PPARGC1A: variants seen among roughly 807,000 people sequenced by gnomAD.
The protein encoded by PPARGC1A is peroxisome proliferator-activated receptor gamma coactivator 1-alpha.
PPARGC1A carries 25 observed loss-of-function variants against 88.7 expected under a neutral mutation model. That is an observed-to-expected ratio of 0.28 (90% CI 0.21 to 0.39). The LOEUF (loss-of-function observed/expected upper bound fraction) is 0.39, where lower values mean the gene tolerates loss of function less well. Among genes scored for constraint, PPARGC1A ranks in the 10% least tolerant of loss-of-function variants. The pLI is 1.00. For missense variants in PPARGC1A, 880 were observed against 968.7 expected (o/e 0.91, Z 1.22); for synonymous variants, 363 against 355.6 (o/e 1.02, Z -0.24).
At position 23,793,279 on chromosome 4, in the gene PPARGC1A, C is replaced by A. The variant is rs934999959; in HGVS notation, c.*2543G>T. On this transcript the variant is annotated 3_prime_UTR_variant, in exon 13 of 13. Coordinates refer to ENST00000264867, the MANE Select transcript of PPARGC1A (RefSeq NM_013261.5). The stretch of plus-strand genomic sequence containing the variant: ...AGTTAAAATACCTGCATTTAACCTA[C>A]AGAACAACAAGAATTAGGCGGATTA... The A allele has an allele frequency of 1.3e-5, 2 of 152,496 alleles. No individual in the cohort carries two copies. Among genetic ancestry groups the A allele is most frequent in the Non-Finnish European group, 2.9e-5 (2 of 68,008 alleles). 9.4% of individuals were successfully genotyped at this position (152,496 alleles called of 1,614,324 possible).
At chr4:24,146,413 AG>A in the PPARGC1A span, among the ~76,000 whole-genome samples, 1 of 152,362 alleles carries the variant, frequency 6.6e-6, no homozygotes, top group Middle Eastern at 3.4e-3. Context: ...TGAGAATCAA[AG>A]CTTCAACAAA....
At chr4:24,355,653 T>C in the PPARGC1A span, among the ~76,000 whole-genome samples, 2 of 152,116 alleles carry the variant, frequency 1.3e-5, no homozygotes, top group Non-Finnish European at 2.9e-5. Flanking sequence ...AATGCCTTGA[T>C]TGAAATGACC....
At chr4:24,365,289 A>G in the PPARGC1A span, among the ~76,000 whole-genome samples, 566 of 152,338 alleles carry the variant, frequency 3.7e-3, 27 homozygotes, top group East Asian at 0.081. Flanking sequence ...AGATTGCTCA[A>G]TATTTTACAG....
At chr4:23,974,996 CAGCTGTGGGGACTTGGGATTCAG>C in the PPARGC1A span, among the ~76,000 whole-genome samples, 4 of 151,732 alleles carry the variant, frequency 2.6e-5, no homozygotes, top group African/African-American at 9.7e-5. Flanking sequence ...CAAAGTAGGA[CAGCTGTGGGGACTTGGGATTCAG>C]AGCCATGGCT....
At chr4:24,246,820 A>T in the PPARGC1A span, among the ~76,000 whole-genome samples, 1 of 152,152 alleles carries the variant, frequency 6.6e-6, no homozygotes. Flanking sequence ...AACCTGCTCT[A>T]GAGCCTGCTT....
the PPARGC1A span, among the ~76,000 whole-genome samples, chr4:23,940,101 A>G: frequency 6.6e-6 from 1 of 152,204 alleles, no homozygotes; most frequent in African/African-American, 2.4e-5. Context: ...AAATGTAATC[A>G]ATGATTTATC....
upstream of PPARGC1A, among the ~76,000 whole-genome samples, chr4:23,901,188 A>T (rs1719301109): frequency 6.6e-6 from 1 of 152,156 alleles, no homozygotes; most frequent in Non-Finnish European, 1.5e-5. Flanking sequence ...TAACACGGTG[A>T]AACCCCATCT....
At chr4:24,287,634 G>GCGCACA in the PPARGC1A span, among the ~76,000 whole-genome samples, 4 of 142,052 alleles carry the variant, frequency 2.8e-5, no homozygotes, top group Non-Finnish European at 4.6e-5. Context: ...AACACCACAT[G>GCGCACA]CACACACACA....
the PPARGC1A span, among the ~76,000 whole-genome samples, chr4:24,013,606 A>T: frequency 6.6e-6 from 1 of 152,178 alleles, no homozygotes; most frequent in Non-Finnish European, 1.5e-5. Context: ...GAAGGGACTT[A>T]GGAAATAGAA....
At chr4:24,326,352 G>A in the PPARGC1A span, among the ~76,000 whole-genome samples, 15 of 151,558 alleles carry the variant, frequency 9.9e-5, no homozygotes, top group African/African-American at 2.2e-4. Context: ...CAGGATCTGC[G>A]CCTTATCAAC....
chr4:24,052,048 AAAAAG>A, the PPARGC1A span, among the ~76,000 whole-genome samples: 1 of 152,210 alleles, frequency 6.6e-6, no homozygotes, highest in East Asian at 1.9e-4. Flanking sequence ...AAGGGGCATC[AAAAAG>A]AAAAAAGGCA....
chr4:24,362,352 G>A, the PPARGC1A span, among the ~76,000 whole-genome samples: 8 of 149,624 alleles, frequency 5.3e-5, no homozygotes, highest in Non-Finnish European at 1.0e-4. Context: ...ACACATGACT[G>A]GATGGATGGA....
chr4:24,282,155 C>G, the PPARGC1A span, among the ~76,000 whole-genome samples: 57,808 of 152,098 alleles, frequency 0.38, 11,716 homozygotes, highest in East Asian at 0.66. Flanking sequence ...AGGAAACTGA[C>G]ACTCAGAGTG....
At chr4:23,999,657 G>A in the PPARGC1A span, among the ~76,000 whole-genome samples, 1 of 152,192 alleles carries the variant, frequency 6.6e-6, no homozygotes, top group East Asian at 1.9e-4. Context: ...GGCAGGTAAC[G>A]AGAGGACAGC....
chr4:23,947,647 C>T, the PPARGC1A span, among the ~76,000 whole-genome samples: 10 of 152,048 alleles, frequency 6.6e-5, no homozygotes, highest in East Asian at 2.0e-3. Context: ...CAAGACGTGG[C>T]CCCTCTGTTT....
chr4:24,056,976 G>A, the PPARGC1A span, among the ~76,000 whole-genome samples: 1 of 152,084 alleles, frequency 6.6e-6, no homozygotes, highest in Non-Finnish European at 1.5e-5. Context: ...ACTGAAATCA[G>A]GGTCTTAAAA....
chr4:24,197,805 C>T, the PPARGC1A span, among the ~76,000 whole-genome samples: 3 of 152,218 alleles, frequency 2.0e-5, no homozygotes, highest in South Asian at 4.1e-4. Context: ...ACAGTTCCTT[C>T]TTCACAGACC....
At chr4:24,287,634 G>GCGCACACACA in the PPARGC1A span, among the ~76,000 whole-genome samples, 10 of 142,052 alleles carry the variant, frequency 7.0e-5, no homozygotes, top group African/African-American at 2.6e-4. Flanking sequence ...AACACCACAT[G>GCGCACACACA]CACACACACA....
At chr4:24,230,918 A>T in the PPARGC1A span, among the ~76,000 whole-genome samples, 2 of 150,756 alleles carry the variant, frequency 1.3e-5, no homozygotes, top group African/African-American at 4.9e-5. Context: ...CTCTGGTGAG[A>T]AGTAAGGAAA....
Sources: allele counts gnomAD v4.1 joint callset (sites outside exome capture counted in the v4.1 genomes callset), GRCh38; gene constraint gnomAD v4.1.1; transcripts MANE v1.5; gene names NCBI Gene and HGNC (gene_info 2026-07-23, HGNC 2026-07-21).